The following HHAT variants were observed in gnomAD, a reference collection of about 807,000 sequenced individuals.
HHAT encodes protein-cysteine N-palmitoyltransferase HHAT.
A neutral mutation model predicts 70.8 loss-of-function variants in HHAT; 47 were observed. The observed-to-expected ratio is 0.66, with a 90% confidence interval of 0.53 to 0.85. The LOEUF (loss-of-function observed/expected upper bound fraction) is 0.85, where lower values mean the gene tolerates loss of function less well. Among genes scored for constraint, HHAT ranks in the 40% least tolerant of loss-of-function variants. The pLI is 0.00. For missense variants in HHAT, 609 were observed against 604.8 expected (o/e 1.01, Z -0.07); for synonymous variants, 228 against 247.6 (o/e 0.92, Z 0.74).
In HHAT at chr1:210,608,029, C is replaced by T. The variant is rs190109767; in HGVS notation, c.1246-15497C>T. Among the ~76,000 whole-genome samples, 268 of 152,276 alleles carry T rather than the reference C, an allele frequency of 1.8e-3. 1 individual carries two copies. Among genetic ancestry groups the T allele is most frequent in the Non-Finnish European group, 8.7e-4 (59 of 68,032 alleles). ...TGATCCTATGATAGTATATGCAGATCTGTGTAATCAGGAATGATATGGATG... is the reference window on the plus strand; with the variant it reads ...TGATCCTATGATAGTATATGCAGATTTGTGTAATCAGGAATGATATGGATG... On this transcript the variant is annotated intron_variant, in intron 10 of 11. Coordinates refer to ENST00000261458, the MANE Select transcript of HHAT (RefSeq NM_018194.6).
rs142699669 is a variant in HHAT, at chr1:210,594,102, C to T, written c.1245+6003C>T. 7.2e-3 allele frequency among the ~76,000 whole-genome samples: 1,090 copies of T among 152,146 alleles called. 18 individuals are homozygous for T. The highest frequency in any genetic ancestry group is 0.025 in the African/African-American group (1,048 of 41,546). ...CTTGTAGCCCACAGATTATGGGGTC[C>T]TGTTTTTTAATCTATTCAGCCGCTC... On this transcript the variant is annotated intron_variant, in intron 10 of 11. Coordinates refer to ENST00000261458, the MANE Select transcript of HHAT (RefSeq NM_018194.6).
chr1:210,651,482 C>T (rs1675140124), intron 11 of HHAT, among the ~76,000 whole-genome samples: 1 of 152,246 alleles, frequency 6.6e-6, no homozygotes, highest in South Asian at 2.1e-4. Context: ...AATCTAAGAT[C>T]TCAGAGAAGA....
At position 210,611,537 on chromosome 1, in the gene HHAT, A is replaced by G. The variant is rs986723622; in HGVS notation, c.1246-11989A>G. Among the ~76,000 whole-genome samples, 11 of 152,072 alleles carry G rather than the reference A, an allele frequency of 7.2e-5. 1 individual carries two copies. The South Asian group carries it at 8.3e-4, about 11-fold the overall frequency. On this transcript the variant is annotated intron_variant, in intron 10 of 11. Coordinates refer to ENST00000261458, the MANE Select transcript of HHAT (RefSeq NM_018194.6). Reference sequence around the variant, plus strand: ...GATTGCCCTGGCCAGAGCTACCAATACTATGTTGAATAGGAATGGTGAGAG... The same window carrying G: ...GATTGCCCTGGCCAGAGCTACCAATGCTATGTTGAATAGGAATGGTGAGAG...
intron 9 of HHAT, among the ~76,000 whole-genome samples, chr1:210,537,045 G>T (rs530596263): frequency 6.6e-6 from 1 of 152,066 alleles, no homozygotes; most frequent in East Asian, 1.9e-4. Context: ...AAAAAAGGTG[G>T]CTATAGGGCT....
At position 210,637,871 on chromosome 1, in the gene HHAT, A is replaced by AAAAGG. The variant is rs1553312396; in HGVS notation, c.1390+14201_1390+14202insAAAGG. Among the ~76,000 whole-genome samples the AAAAGG allele has an allele frequency of 7.2e-4, 85 of 117,486 alleles. 1 individual carries two copies. The highest frequency in any genetic ancestry group is 8.8e-3 in the Middle Eastern group (2 of 226). The allele number at this position is 117,486 out of a possible 152,430, so 77.1% of individuals were successfully genotyped here. A position where few individuals can be genotyped will look rare whatever the true frequency, so the allele number is the denominator to read the frequency against. On this transcript the variant is annotated intron_variant, in intron 11 of 11. Coordinates refer to ENST00000261458, the MANE Select transcript of HHAT (RefSeq NM_018194.6). The stretch of plus-strand genomic sequence containing the variant: ...GAGACTCCGTCTCAAAAAAAAAAAA[A>AAAAGG]GGGGGGGGCAAAGGACCTGAATAGA...
At chr1:210,547,993 G>A (rs916005865) in intron 9 of HHAT, among the ~76,000 whole-genome samples, 17 of 152,160 alleles carry the variant, frequency 1.1e-4, no homozygotes, top group Admixed American at 7.9e-4. Flanking sequence ...ATAATAAGGT[G>A]GTGTTTATAG....
chr1:210,411,369 C>A (rs1210918028), intron 6 of HHAT, among the ~76,000 whole-genome samples: 1 of 152,204 alleles, frequency 6.6e-6, no homozygotes, highest in African/African-American at 2.4e-5. Flanking sequence ...TATTTAGAAA[C>A]TGTAGACATT....
chr1:210,447,402 T>C (rs1327207016), intron 7 of HHAT, among the ~76,000 whole-genome samples: 1 of 152,234 alleles, frequency 6.6e-6, no homozygotes, highest in Non-Finnish European at 1.5e-5. Context: ...AAGACTTTTA[T>C]ATCAGTGCAC....
chr1:210,548,981 G>A (rs939688870), intron 9 of HHAT, among the ~76,000 whole-genome samples: 2 of 152,218 alleles, frequency 1.3e-5, no homozygotes, highest in African/African-American at 2.4e-5. Flanking sequence ...GGGCTTCTCA[G>A]ATGGCAGTGC....
At chr1:210,607,554 C>T (rs1665737206) in intron 10 of HHAT, among the ~76,000 whole-genome samples, 1 of 152,040 alleles carries the variant, frequency 6.6e-6, no homozygotes, top group South Asian at 2.1e-4. Context: ...TTCAGTAGTC[C>T]CAAGGGATCT....
chr1:210,453,795 C>A (rs2093804134), intron 7 of HHAT, among the ~76,000 whole-genome samples: 1 of 152,022 alleles, frequency 6.6e-6, no homozygotes, highest in Admixed American at 6.5e-5. Context: ...AGTTAATTTC[C>A]AATTCAGTCT....
chr1:210,587,296 C>G lies in HHAT; in HGVS notation c.1044-602C>G, dbSNP rs574914635. 9.9e-5 allele frequency among the ~76,000 whole-genome samples: 15 copies of G among 152,252 alleles called. No homozygotes were observed. The South Asian group carries it at 2.5e-3, about 25-fold the overall frequency. ...GCAGAAGGTGAAGGAGAAGCAAAGG[C>G]ACATCTTACATGGCGCCAGGCCGGA... On this transcript the variant is annotated intron_variant, in intron 9 of 11. Transcript: ENST00000261458.
rs566160751 is a variant in HHAT at position 210,563,703 on chromosome 1, C to T, written c.1044-24195C>T. On this transcript the variant is annotated intron_variant, in intron 9 of 11. Transcript: ENST00000261458. Reference sequence around the variant, plus strand: ...GGTTTTGATACTTCTCTGATATTTTCCCCTCAGCCCATTGTTATTCTGTTC... The same window carrying T: ...GGTTTTGATACTTCTCTGATATTTTTCCCTCAGCCCATTGTTATTCTGTTC... Among the ~76,000 whole-genome samples the T allele has an allele frequency of 2.0e-5, 3 of 152,280 alleles. No individual in the cohort carries two copies. In the South Asian group the frequency reaches 6.2e-4, roughly 32 times the overall value.
chr1:210,472,293 A>T (rs193203372), intron 8 of HHAT, among the ~76,000 whole-genome samples: 22 of 152,302 alleles, frequency 1.4e-4, no homozygotes, highest in Admixed American at 1.2e-3. Flanking sequence ...AGTAGATACT[A>T]TTATTTTTGC....
chr1:210,465,878 CAAGGAATTGCAAGG>C (rs2094090721), intron 8 of HHAT, among the ~76,000 whole-genome samples: 1 of 151,596 alleles, frequency 6.6e-6, no homozygotes, highest in African/African-American at 2.4e-5. Context: ...GAATGAATTG[CAAGGAATTGCAAGG>C]AATGAATTGC....
intron 9 of HHAT, 32 bp from the exon 10 acceptor site, chr1:210,587,866 G>C (rs1452426135): frequency 3.8e-6 from 6 of 1,574,488 alleles, no homozygotes; most frequent in Non-Finnish European, 5.2e-6. Flanking sequence ...GCAGCCCTCT[G>C]TATGTCTCCT....
chr1:210,494,542 C>CTT (rs71146226), intron 8 of HHAT, among the ~76,000 whole-genome samples: 3,722 of 82,588 alleles, frequency 0.045, 641 homozygotes, highest in African/African-American at 0.14. Flanking sequence ...TTTGAAATAG[C>CTT]TTTTTTTTTT....
intron 2 of HHAT, among the ~76,000 whole-genome samples, chr1:210,351,671 G>A (rs1449000461): frequency 1.3e-5 from 2 of 152,222 alleles, no homozygotes; most frequent in Non-Finnish European, 2.9e-5. Flanking sequence ...GCTCACTCAC[G>A]TGGCTGGCAG....
chr1:210,424,436 CT>C lies in HHAT; in HGVS notation c.856+6120del, dbSNP rs35138149. ...TTGGTAGAGTCTTTAGGTTTTTTTTCTTTTTTTTTAACTCTCTGTGTTCAGG... is the reference window on the plus strand; with the variant it reads ...TTGGTAGAGTCTTTAGGTTTTTTTTCTTTTTTTTAACTCTCTGTGTTCAGG... On this transcript the variant is annotated intron_variant, in intron 7 of 11. Coordinates refer to ENST00000261458, the MANE Select transcript of HHAT (RefSeq NM_018194.6). Among the ~76,000 whole-genome samples the C allele has an allele frequency of 2.6e-3, 366 of 142,316 alleles. 3 individuals are homozygous for C. Among genetic ancestry groups the C allele is most frequent in the African/African-American group, 8.6e-3 (332 of 38,558 alleles). 93.4% of individuals were successfully genotyped at this position (142,316 alleles called of 152,430 possible). A position where few individuals can be genotyped will look rare whatever the true frequency, so the allele number is the denominator to read the frequency against.
Sources: gnomAD v4.1 joint callset for allele counts (sites outside exome capture counted in the v4.1 genomes callset) on GRCh38, gnomAD v4.1.1 for gene constraint, MANE v1.5 for transcripts, NCBI Gene and HGNC (gene_info 2026-07-23, HGNC 2026-07-21) for gene names.